Variants in DNAH5 observed in about 807,000 individuals in gnomAD.
DNAH5 encodes axonemal beta dynein heavy chain 5.
In DNAH5, 372 loss-of-function variants were observed where a neutral mutation model predicts 518.2. The observed-to-expected ratio is 0.72, with a 90% CI of 0.66 to 0.78. DNAH5 has a LOEUF of 0.78. Among genes scored for constraint, DNAH5 ranks in the 30% least tolerant of loss-of-function variants. The pLI, the probability that DNAH5 is intolerant of heterozygous loss-of-function variation, is 0.00. For synonymous variants in DNAH5, 2,039 were observed against 2,025.9 expected, an observed-to-expected ratio of 1.01 and a Z score of -0.17; for missense variants, 5,523 against 5,687.0, an observed-to-expected ratio of 0.97 and a Z score of 0.93.
In DNAH5 at chr5:13,916,585, T is replaced by C. The variant is rs570191937; in HGVS notation, c.1090-130A>G. On this transcript the variant is annotated intron_variant, in intron 8 of 78. Transcript: ENST00000265104. Reference sequence around the variant, plus strand: ...TTAAAGATTTAAAAATACTATTTAATGCTTTACATGAAAATAATATATTTA... The same window carrying C: ...TTAAAGATTTAAAAATACTATTTAACGCTTTACATGAAAATAATATATTTA... 50 of 469,312 alleles carry C rather than the reference T, an allele frequency of 1.1e-4. 1 individual carries two copies. The highest frequency in any genetic ancestry group is 1.7e-4 in the Non-Finnish European group (44 of 260,582). 29.1% of individuals were successfully genotyped at this position (469,312 alleles called of 1,614,324 possible). A position where few individuals can be genotyped will look rare whatever the true frequency, so the allele number is the denominator to read the frequency against.
chr5:13,816,502 G>A (rs1287203701), intron 42 of DNAH5, among the ~76,000 whole-genome samples: 3 of 143,096 alleles, frequency 2.1e-5, no homozygotes, highest in African/African-American at 7.8e-5. Flanking sequence ...CTAATCACCA[G>A]AGTCACTTTG....
At chr5:13,810,019 G>A (rs1223623034) in intron 45 of DNAH5, 40 bp downstream of exon 45, 10 of 1,534,064 alleles carry the variant, frequency 6.5e-6, no homozygotes, top group South Asian at 3.6e-5. Flanking sequence ...AGGAAAGAAC[G>A]GCCCCCATGG....
chr5:13,912,590 CA>C (rs1157422404), intron 11 of DNAH5, among the ~76,000 whole-genome samples: 5 of 151,336 alleles, frequency 3.3e-5, no homozygotes, highest in African/African-American at 1.2e-4. Flanking sequence ...TGTATATATA[CA>C]CATATATACA....
intron 1 of DNAH5, among the ~76,000 whole-genome samples, chr5:13,958,930 G>A (rs919531485): frequency 1.3e-5 from 2 of 152,066 alleles, no homozygotes; most frequent in Non-Finnish European, 2.9e-5. Context: ...TAATCATGAA[G>A]GAATTTTATG....
rs147413926 is a variant in DNAH5, at chr5:13,830,886, C to T, written c.5883-111G>A. The T allele has an allele frequency of 5.1e-4, 499 of 986,100 alleles. 4 individuals are homozygous for T. The African/African-American group carries it at 7.1e-3, about 14-fold the overall frequency. 61.1% of individuals were successfully genotyped at this position (986,100 alleles called of 1,614,324 possible). A position where few individuals can be genotyped will look rare whatever the true frequency, so the allele number is the denominator to read the frequency against. On this transcript the variant is annotated intron_variant, in intron 35 of 78. Transcript: ENST00000265104. Reference sequence around the variant, plus strand: ...AGATTAAAAAACAAAAGGCCATTGTCCCTACCTAACATTTCGAATACAACA... The same window carrying T: ...AGATTAAAAAACAAAAGGCCATTGTTCCTACCTAACATTTCGAATACAACA...
intron 65 of DNAH5, among the ~76,000 whole-genome samples, chr5:13,743,752 A>C (rs942140857): frequency 3.3e-5 from 5 of 152,116 alleles, no homozygotes; most frequent in Non-Finnish European, 5.9e-5. Flanking sequence ...CAAAACCAAA[A>C]TGACATATCA....
intron 1 of DNAH5, among the ~76,000 whole-genome samples, chr5:13,962,347 G>A (rs954163820): frequency 1.3e-5 from 2 of 152,168 alleles, no homozygotes; most frequent in Non-Finnish European, 2.9e-5. Context: ...TGAAAATCAT[G>A]TTTTGATACC....
At chr5:13,921,464 CTA>C (rs1197674860) in intron 5 of DNAH5, among the ~76,000 whole-genome samples, 13 of 105,316 alleles carry the variant, frequency 1.2e-4, no homozygotes, top group African/African-American at 3.4e-4. Context: ...CTCTCTTGCT[CTA>C]TCTCTCTCTC....
chr5:13,911,339 A>C lies in DNAH5; in HGVS notation c.1644+47T>G, dbSNP rs748300823. 25 of 1,488,522 alleles carry C rather than the reference A, an allele frequency of 1.7e-5. 1 individual carries two copies. In the South Asian group the frequency reaches 2.7e-4, roughly 16 times the overall value. 92.2% of individuals were successfully genotyped at this position (1,488,522 alleles called of 1,614,324 possible). On this transcript the variant is annotated intron_variant, in intron 12 of 78. Coordinates refer to ENST00000265104, the MANE Select transcript of DNAH5 (RefSeq NM_001369.3). ...GATTAACGGCATTATACAGAAAGGA[A>C]AAAATAAACACACGACTGTCAACAG...
chr5:13,881,331 A>G (rs1046254033), intron 21 of DNAH5, among the ~76,000 whole-genome samples: 3 of 152,056 alleles, frequency 2.0e-5, no homozygotes, highest in African/African-American at 7.2e-5. Context: ...ATCTAACAGA[A>G]CAGCATATAC....
chr5:13,848,037 G>T (rs2151878119), intron 31 of DNAH5, among the ~76,000 whole-genome samples: 1 of 152,260 alleles, frequency 6.6e-6, no homozygotes, highest in Admixed American at 6.5e-5. Flanking sequence ...TTCCTGCTGG[G>T]TCTATATCCA....
At chr5:13,798,450 A>C (rs795544) in intron 47 of DNAH5, among the ~76,000 whole-genome samples, 121,745 of 152,066 alleles carry the variant, frequency 0.8, 48,907 homozygotes, top group Middle Eastern at 0.89. Flanking sequence ...CATTTCATTT[A>C]TATAACTGTA....
chr5:13,927,935 C>T (rs1235818472), intron 3 of DNAH5, among the ~76,000 whole-genome samples, 159 bp downstream of exon 3: 3 of 152,190 alleles, frequency 2.0e-5, no homozygotes, highest in African/African-American at 7.2e-5. Context: ...CAGGGCCACA[C>T]CCTACACACT....
intron 70 of DNAH5, 117 bp downstream of exon 70, chr5:13,727,390 C>T (rs1430398722): frequency 1.0e-6 from 1 of 970,140 alleles, no homozygotes; most frequent in East Asian, 2.7e-5. Flanking sequence ...GAAAATCACA[C>T]AGAGGCCTAC....
At chr5:13,907,965 A>G (rs1775535831) in intron 12 of DNAH5, among the ~76,000 whole-genome samples, 1 of 152,202 alleles carries the variant, frequency 6.6e-6, no homozygotes, top group Admixed American at 6.5e-5. Flanking sequence ...GTTTGATTTC[A>G]GATAATGTTA....
rs1561261949 is a variant in DNAH5, at chr5:13,788,748, A to G, written c.8615T>C (p.Val2872Ala). 6.2e-7 allele frequency: 1 copy of G among 1,614,144 alleles called. No individual in the cohort carries two copies. The highest frequency in any genetic ancestry group is 8.5e-7 in the Non-Finnish European group (1 of 1,180,010). Residue 2872 changes from valine to alanine, a missense_variant, in exon 51 of 79, where the codon GTG becomes GCG. By Grantham distance (64) the Val-to-Ala change is moderately conservative. Around this residue, in one of 3 missense-constraint regions of DNAH5, gnomAD observed 5,121 missense variants for 5,223.3 expected, o/e 0.98. Transcript: ENST00000265104. Reference sequence around the variant, plus strand: ...TTCAGGTGCATCTCTCAAGAAATCCACAAAATATGTGTCAATTCCACAATC... The same window carrying G: ...TTCAGGTGCATCTCTCAAGAAATCCGCAAAATATGTGTCAATTCCACAATC... ...LVDCGIDTYF[V>A]DFLRDAPEAA...
intron 35 of DNAH5, among the ~76,000 whole-genome samples, chr5:13,833,521 T>C (rs1361707082): frequency 6.6e-6 from 1 of 151,438 alleles, no homozygotes; most frequent in East Asian, 1.9e-4. Context: ...TAACAAACAT[T>C]TGCTGTGTCA....
At chr5:13,896,936 T>C (rs1773983084) in intron 15 of DNAH5, among the ~76,000 whole-genome samples, 2 of 149,512 alleles carry the variant, frequency 1.3e-5, no homozygotes, top group Admixed American at 6.7e-5. Context: ...GATGAATGTT[T>C]TCCAAACTGT....
intron 44 of DNAH5, 67 bp downstream of exon 44, chr5:13,811,580 T>C: frequency 2.8e-6 from 4 of 1,426,820 alleles, no homozygotes; most frequent in Non-Finnish European, 4.0e-6. Context: ...AGAGAAAATA[T>C]AGTACTCTCT....
Sources: gnomAD v4.1 joint callset for allele counts (sites outside exome capture counted in the v4.1 genomes callset) on GRCh38, gnomAD v4.1.1 for gene constraint, gnomAD v4.1.1 regional missense constraint, MANE v1.5 for transcripts, NCBI Gene and HGNC (gene_info 2026-07-23, HGNC 2026-07-21) for gene names.